GBE1: variants seen among roughly 807,000 people sequenced by gnomAD.
The protein encoded by GBE1 is 1,4-alpha-glucan-branching enzyme.
GBE1 carries 70 observed loss-of-function variants against 88.8 expected under a neutral mutation model. The ratio of observed to expected loss-of-function variants is 0.79; its 90% confidence interval spans 0.65 to 0.96. The LOEUF is 0.96. GBE1 is among the 40% of genes least tolerant of loss of function. The pLI is 0.00. For synonymous variants in GBE1, 284 were observed against 300.1 expected, an observed-to-expected ratio of 0.95 and a Z score of 0.56; for missense variants, 872 against 871.0, an observed-to-expected ratio of 1.00 and a Z score of -0.01.
intron 3 of GBE1, among the ~76,000 whole-genome samples, chr3:81,653,449 G>A (rs1010975917): frequency 2.0e-5 from 3 of 151,904 alleles, no homozygotes; most frequent in African/African-American, 7.3e-5. Flanking sequence ...TCATGACACT[G>A]CACTCCAGCC....
At chr3:81,619,151 A>G (rs1704290048) in intron 7 of GBE1, among the ~76,000 whole-genome samples, 1 of 146,100 alleles carries the variant, frequency 6.8e-6, no homozygotes, top group African/African-American at 2.6e-5. Context: ...TCTCTGCCCT[A>G]TAAAAAGAAG....
chr3:81,755,092 C>A (rs1055762503), intron 1 of GBE1, among the ~76,000 whole-genome samples: 1 of 151,976 alleles, frequency 6.6e-6, no homozygotes, highest in Non-Finnish European at 1.5e-5. Flanking sequence ...AGATTAATAA[C>A]CATAATGTAC....
intron 7 of GBE1, among the ~76,000 whole-genome samples, chr3:81,621,080 T>C (rs1359320108): frequency 6.6e-6 from 1 of 152,180 alleles, no homozygotes; most frequent in African/African-American, 2.4e-5. Flanking sequence ...ATTCCTTGTC[T>C]TTATAAATTA....
chr3:81,561,658 G>A (rs1703418892), intron 12 of GBE1, among the ~76,000 whole-genome samples: 1 of 151,972 alleles, frequency 6.6e-6, no homozygotes, highest in African/African-American at 2.4e-5. Flanking sequence ...TGAGGTGACA[G>A]CCCCTTCAAA....
chr3:81,518,091 T>TC (rs903745961), intron 14 of GBE1, among the ~76,000 whole-genome samples: 47 of 151,212 alleles, frequency 3.1e-4, no homozygotes, highest in African/African-American at 1.0e-3. Flanking sequence ...CAAATGTTCC[T>TC]CCCCCCCAAA....
At chr3:81,761,228 C>T in intron 1 of GBE1, 147 bp downstream of exon 1, 5 of 1,051,456 alleles carry the variant, frequency 4.8e-6, no homozygotes, top group South Asian at 1.6e-5. Context: ...CCCGGTTACC[C>T]GAGTCACCCC....
intron 14 of GBE1, among the ~76,000 whole-genome samples, chr3:81,502,155 C>A (rs1164344500): frequency 3.3e-5 from 5 of 152,082 alleles, no homozygotes; most frequent in Non-Finnish European, 1.5e-5. Context: ...AAAGTACAGA[C>A]TGAGCTTCAC....
At chr3:81,689,017 A>T (rs1705481683) in intron 2 of GBE1, among the ~76,000 whole-genome samples, 1 of 152,222 alleles carries the variant, frequency 6.6e-6, no homozygotes, top group Admixed American at 6.5e-5. Context: ...CCCAAACACT[A>T]GTAGCATCTA....
At chr3:81,728,914 T>C (rs1472787257) in intron 1 of GBE1, among the ~76,000 whole-genome samples, 1 of 151,932 alleles carries the variant, frequency 6.6e-6, no homozygotes, top group Admixed American at 6.6e-5. Context: ...CCCCTTTTTT[T>C]TTTGCACACC....
intron 2 of GBE1, among the ~76,000 whole-genome samples, chr3:81,693,927 T>C (rs1199573098): frequency 6.6e-6 from 1 of 152,202 alleles, no homozygotes. Flanking sequence ...ATATTACTTG[T>C]CTAGAGTTTA....
At chr3:81,705,329 A>G (rs1291248193) in intron 2 of GBE1, 115 bp downstream of exon 2, 1 of 781,266 alleles carries the variant, frequency 1.3e-6, no homozygotes, top group Non-Finnish European at 1.9e-6. Flanking sequence ...GAAAAGTCTG[A>G]TATTTATTTG....
At chr3:81,663,540 G>A (rs563001361) in intron 3 of GBE1, among the ~76,000 whole-genome samples, 7 of 152,184 alleles carry the variant, frequency 4.6e-5, no homozygotes, top group African/African-American at 1.7e-4. Flanking sequence ...ACTTCCACTC[G>A]ATAAAACCTT....
chr3:81,683,544 G>T lies in GBE1; in HGVS notation c.314-12591C>A, dbSNP rs1409914683. On this transcript the variant is annotated intron_variant, in intron 2 of 15. Transcript: ENST00000429644. ...CAACATTCAAAGCTATAAACAACAG[G>T]CTTTTTACTCAAATGAAAATAGGTA... 5.3e-5 allele frequency among the ~76,000 whole-genome samples: 8 copies of T among 152,106 alleles called. No individual in the cohort carries two copies. The East Asian group carries it at 1.5e-3, about 29-fold the overall frequency.
intron 2 of GBE1, among the ~76,000 whole-genome samples, chr3:81,703,549 ATTAAT>A (rs999464164): frequency 3.3e-5 from 5 of 152,050 alleles, no homozygotes; most frequent in African/African-American, 1.2e-4. Context: ...ATCTTAAGTT[ATTAAT>A]TTAAATTTTA....
intron 12 of GBE1, among the ~76,000 whole-genome samples, chr3:81,540,659 A>G (rs1703131579): frequency 6.6e-6 from 1 of 152,116 alleles, no homozygotes; most frequent in African/African-American, 2.4e-5. Flanking sequence ...GCATTTATTC[A>G]TATTTTAATA....
rs956953793 is a variant in GBE1 at position 81,668,861 on chromosome 3, C to A, written c.429+1977G>T. 2.6e-5 allele frequency among the ~76,000 whole-genome samples: 4 copies of A among 152,176 alleles called. No homozygotes were observed. In the East Asian group the frequency reaches 7.7e-4, roughly 29 times the overall value. On this transcript the variant is annotated intron_variant, in intron 3 of 15. Coordinates refer to ENST00000429644, the MANE Select transcript of GBE1 (RefSeq NM_000158.4). ...TGATAGTTACTTCCACAGGAAGCTG[C>A]TTCTACTGAGTGGACTGTGTCCTAG...
At chr3:81,575,819 T>C (rs1171740939) in intron 12 of GBE1, among the ~76,000 whole-genome samples, 1 of 152,214 alleles carries the variant, frequency 6.6e-6, no homozygotes, top group Non-Finnish European at 1.5e-5. Context: ...TCTGTAGTTT[T>C]ACTCAGAAAA....
At chr3:81,492,677 A>ATTCTCCCTTTCTCCCT (rs149554537) in intron 15 of GBE1, among the ~76,000 whole-genome samples, 6 of 134,014 alleles carry the variant, frequency 4.5e-5, no homozygotes, top group African/African-American at 8.6e-5. Context: ...CCCTTCTCCC[A>ATTCTCCCTTTCTCCCT]TTCTCCCTTT....
At chr3:81,568,029 C>G (rs1452199732) in intron 12 of GBE1, among the ~76,000 whole-genome samples, 1 of 152,186 alleles carries the variant, frequency 6.6e-6, no homozygotes, top group African/African-American at 2.4e-5. Context: ...ATTCCCCCAG[C>G]ATTTTCCCAC....
Sources: gnomAD v4.1 joint callset for allele counts (sites outside exome capture counted in the v4.1 genomes callset) on GRCh38, gnomAD v4.1.1 for gene constraint, MANE v1.5 for transcripts, NCBI Gene and HGNC (gene_info 2026-07-23, HGNC 2026-07-21) for gene names.